MTSS1: variants seen among roughly 807,000 people sequenced by gnomAD.
MTSS1 encodes the protein MTSS I-BAR domain containing 1.
Under a neutral mutation model 79.0 loss-of-function variants are expected in MTSS1, and 18 were observed. That is an observed-to-expected ratio of 0.23 (90% CI 0.16 to 0.34). The LOEUF is 0.34. MTSS1 is among the 10% of genes least tolerant of loss of function. The pLI is 1.00. For synonymous variants in MTSS1, 341 were observed against 368.6 expected (o/e 0.93, Z 0.86); for missense variants, 815 against 986.2 (o/e 0.83, Z 2.33).
At chr8:124,660,937 G>A (rs899679406) in intron 3 of MTSS1, among the ~76,000 whole-genome samples, 49 of 152,100 alleles carry the variant, frequency 3.2e-4, no homozygotes, top group African/African-American at 9.2e-4. Context: ...ACCCTCCCAC[G>A]CACACGTACA....
At chr8:124,637,140 C>T (rs1033393993) in intron 3 of MTSS1, among the ~76,000 whole-genome samples, 19 of 152,216 alleles carry the variant, frequency 1.2e-4, no homozygotes, top group African/African-American at 4.1e-4. Flanking sequence ...ACAAAAGAAG[C>T]ACCTGGCTCC....
At chr8:124,576,280 G>A (rs780701504) in intron 6 of MTSS1, among the ~76,000 whole-genome samples, 5 of 152,150 alleles carry the variant, frequency 3.3e-5, no homozygotes, top group Admixed American at 3.3e-4. Context: ...GGGCGAGGGG[G>A]TCATAGAAAA....
intron 1 of MTSS1, among the ~76,000 whole-genome samples, chr8:124,708,932 A>G (rs1468413281): frequency 6.6e-6 from 1 of 151,690 alleles, no homozygotes; most frequent in Non-Finnish European, 1.5e-5. Context: ...TTGTTGAGAA[A>G]TGAAAAAAAA....
intron 1 of MTSS1, among the ~76,000 whole-genome samples, chr8:124,707,923 T>C (rs1830630066): frequency 6.6e-6 from 1 of 152,270 alleles, no homozygotes; most frequent in East Asian, 1.9e-4. Context: ...ATCGAGAACA[T>C]GCAGAACTGG....
intron 11 of MTSS1, among the ~76,000 whole-genome samples, chr8:124,556,937 C>T (rs778789300): frequency 2.0e-5 from 3 of 152,194 alleles, no homozygotes; most frequent in Non-Finnish European, 4.4e-5. Flanking sequence ...AGAAAGATTC[C>T]GAGAAGCCTT....
intron 4 of MTSS1, among the ~76,000 whole-genome samples, chr8:124,590,307 G>A (rs901503486): frequency 1.3e-5 from 2 of 152,136 alleles, no homozygotes; most frequent in African/African-American, 4.8e-5. Flanking sequence ...TGCACAACAG[G>A]GACCCCCAAA....
chr8:124,567,871 A>G, intron 7 of MTSS1: 1 of 1,456,508 alleles, frequency 6.9e-7, no homozygotes, highest in South Asian at 1.4e-5. Context: ...CAAGTTCTCA[A>G]TTACGGCATG....
intron 5 of MTSS1, among the ~76,000 whole-genome samples, chr8:124,588,287 T>C (rs1274346923): frequency 6.6e-6 from 1 of 152,240 alleles, no homozygotes; most frequent in Non-Finnish European, 1.5e-5. Context: ...GGGTCTTCAT[T>C]GCAGTCTTCT....
At chr8:124,698,506 C>CTT (rs148481676) in intron 3 of MTSS1, among the ~76,000 whole-genome samples, 80 of 124,754 alleles carry the variant, frequency 6.4e-4, no homozygotes, top group East Asian at 1.1e-3. Context: ...TGTTGCTTTT[C>CTT]TTTTTTTTTT....
Position 124,582,901 on chromosome 8 carries a change from A to G in MTSS1, c.460+2186T>C, listed in dbSNP as rs561874206. Among the ~76,000 whole-genome samples the G allele has an allele frequency of 6.6e-6, 1 of 152,310 alleles. No individual in the cohort carries two copies. The highest frequency in any genetic ancestry group is 1.9e-4 in the East Asian group (1 of 5,190). On this transcript the variant is annotated intron_variant, in intron 6 of 13. Coordinates refer to ENST00000518547, the MANE Select transcript of MTSS1 (RefSeq NM_014751.6). This position sits in a 1 kb window ranked among gnomAD's most constrained non-coding sequence, Gnocchi z 4.8. Reference sequence around the variant, plus strand: ...TATGCCTCCTAGGAGAGCTCTCCATAAAAGATTCCAGTCCGAATGTGACTC... The same window carrying G: ...TATGCCTCCTAGGAGAGCTCTCCATGAAAGATTCCAGTCCGAATGTGACTC...
chr8:124,675,211 C>T (rs1825057114), intron 3 of MTSS1, among the ~76,000 whole-genome samples: 2 of 152,188 alleles, frequency 1.3e-5, no homozygotes, highest in South Asian at 2.1e-4. Flanking sequence ...ATGTGTCAGC[C>T]TCCCCTGCCA....
chr8:124,674,127 T>C (rs1824829135), intron 3 of MTSS1, among the ~76,000 whole-genome samples: 1 of 152,188 alleles, frequency 6.6e-6, no homozygotes, highest in Non-Finnish European at 1.5e-5. Flanking sequence ...ACAGAATATA[T>C]TATTTTATTT....
intron 3 of MTSS1, among the ~76,000 whole-genome samples, chr8:124,613,771 T>C (rs570952098): frequency 3.3e-5 from 5 of 152,348 alleles, no homozygotes; most frequent in East Asian, 3.9e-4. Flanking sequence ...AACTGAGTCA[T>C]GGCACTGCCT....
chr8:124,587,480 G>A (rs909179461), intron 5 of MTSS1, among the ~76,000 whole-genome samples: 1 of 152,152 alleles, frequency 6.6e-6, no homozygotes, highest in Non-Finnish European at 1.5e-5. Flanking sequence ...TTAGGGTAGG[G>A]GGGATAAAAG....
Position 124,727,266 on chromosome 8 carries a change from C to G in MTSS1, c.72+618G>C, listed in dbSNP as rs1279560918. Among the ~76,000 whole-genome samples the G allele has an allele frequency of 1.3e-5, 2 of 152,204 alleles. No individual in the cohort carries two copies. Among genetic ancestry groups the G allele is most frequent in the Non-Finnish European group, 2.9e-5 (2 of 68,022 alleles). On this transcript the variant is annotated intron_variant, in intron 1 of 13. Coordinates refer to ENST00000518547, the MANE Select transcript of MTSS1 (RefSeq NM_014751.6). This position sits in a 1 kb window ranked among gnomAD's most constrained non-coding sequence, Gnocchi z 4.7. ...AAGGCGGGGCCCCTGCAAGGCTGCC[C>G]GGGAACTTCGGCCCCGCGCCCCGCG...
chr8:124,705,715 C>A (rs1830292165), intron 1 of MTSS1, among the ~76,000 whole-genome samples: 1 of 152,206 alleles, frequency 6.6e-6, no homozygotes, highest in Admixed American at 6.5e-5. Flanking sequence ...AAAACATTAA[C>A]AGTTTTACCT....
chr8:124,702,558 C>T (rs755642034), intron 2 of MTSS1, among the ~76,000 whole-genome samples: 7 of 152,130 alleles, frequency 4.6e-5, no homozygotes, highest in African/African-American at 1.7e-4. Context: ...GAAAAAAGGC[C>T]CACCTTTCCC....
At chr8:124,631,811 A>G (rs1816009630) in intron 3 of MTSS1, among the ~76,000 whole-genome samples, 4 of 152,180 alleles carry the variant, frequency 2.6e-5, no homozygotes, top group African/African-American at 9.6e-5. Context: ...AATCACACCC[A>G]CGGCCCTCCA....
chr8:124,663,570 C>G (rs980565457), intron 3 of MTSS1, among the ~76,000 whole-genome samples: 2 of 152,124 alleles, frequency 1.3e-5, no homozygotes, highest in Non-Finnish European at 2.9e-5. Flanking sequence ...TCCCCACACT[C>G]TTTAAAGCAA....
Sources: gnomAD v4.1 joint callset for allele counts (sites outside exome capture counted in the v4.1 genomes callset) on GRCh38, gnomAD v4.1.1 for gene constraint, Gnocchi (gnomAD v3.1) non-coding constraint, MANE v1.5 for transcripts, NCBI Gene and HGNC (gene_info 2026-07-23, HGNC 2026-07-21) for gene names.